The following LPP variants were observed in gnomAD, a reference collection of about 807,000 sequenced individuals.
LPP encodes the protein LIM domain containing preferred translocation partner in lipoma.
A neutral mutation model predicts 60.4 loss-of-function variants in LPP; 38 were observed. The observed-to-expected ratio is 0.63, with a 90% CI of 0.49 to 0.83. LPP has a LOEUF of 0.83. Ranked by LOEUF, LPP falls within the 40% of genes least tolerant of loss-of-function variation. The pLI is 0.00. For synonymous variants in LPP, 328 were observed against 290.8 expected (o/e 1.13, Z -1.30); for missense variants, 902 against 783.6 (o/e 1.15, Z -1.80).
intron 7 of LPP, among the ~76,000 whole-genome samples, chr3:188,623,548 G>A (rs144800592): frequency 0.013 from 2,015 of 152,248 alleles, 51 homozygotes; most frequent in African/African-American, 0.046. Flanking sequence ...ATGAGCCACC[G>A]TGCCCGGCTG....
chr3:188,768,472 C>G (rs78750460), intron 9 of LPP, among the ~76,000 whole-genome samples: 1 of 152,098 alleles, frequency 6.6e-6, no homozygotes, highest in African/African-American at 2.4e-5. Context: ...AATTAGGAAT[C>G]TTTTAGCATA....
At chr3:188,673,652 C>T (rs997700297) in intron 7 of LPP, among the ~76,000 whole-genome samples, 2 of 152,072 alleles carry the variant, frequency 1.3e-5, no homozygotes, top group African/African-American at 2.4e-5. Context: ...AGCTATGATT[C>T]TGGATACTGT....
intron 9 of LPP, among the ~76,000 whole-genome samples, chr3:188,838,941 A>G (rs1159101684): frequency 6.6e-6 from 1 of 152,206 alleles, no homozygotes; most frequent in African/African-American, 2.4e-5. Flanking sequence ...TGACAGGTTG[A>G]TGGGTGGAGC....
rs980431666 is a variant in LPP at position 188,344,403 on chromosome 3, T to C, written c.-10+2684T>C. On this transcript the variant is annotated intron_variant, in intron 3 of 11. Coordinates refer to ENST00000617246, the MANE Select transcript of LPP (RefSeq NM_001375462.1). ...TTTGGGAGCAAAGCAGTATGTTGTA[T>C]GTTATGTGCACCAGAAGCCATGAGA... 6.6e-5 allele frequency among the ~76,000 whole-genome samples: 10 copies of C among 152,342 alleles called. No individual in the cohort carries two copies. In the South Asian group the frequency reaches 8.3e-4, roughly 13 times the overall value.
intron 7 of LPP, among the ~76,000 whole-genome samples, chr3:188,615,978 C>T (rs1054140095): frequency 3.3e-5 from 5 of 151,926 alleles, no homozygotes; most frequent in East Asian, 3.9e-4. Context: ...TGTATATTCT[C>T]GATATTAGAC....
chr3:188,225,677 C>G (rs1333649529), intron 2 of LPP, 150 bp downstream of exon 2: 1 of 152,184 alleles, frequency 6.6e-6, no homozygotes, highest in African/African-American at 2.4e-5. Flanking sequence ...AATGCCCTTC[C>G]TTCTTTCTTG....
intron 2 of LPP, among the ~76,000 whole-genome samples, chr3:188,328,103 G>C (rs1758947805): frequency 6.6e-6 from 1 of 152,116 alleles, no homozygotes; most frequent in Admixed American, 6.5e-5. Flanking sequence ...AAAAGTAATT[G>C]TGGATTTTCT....
chr3:188,316,302 A>C (rs1157887949), intron 2 of LPP, among the ~76,000 whole-genome samples: 1 of 152,146 alleles, frequency 6.6e-6, no homozygotes, highest in South Asian at 2.1e-4. Context: ...AAAACAAAAA[A>C]AAGATTAGCC....
At chr3:188,390,713 T>C (rs1779493540) in intron 3 of LPP, among the ~76,000 whole-genome samples, 1 of 152,058 alleles carries the variant, frequency 6.6e-6, no homozygotes, top group Non-Finnish European at 1.5e-5. Flanking sequence ...TGGCTTTTCT[T>C]GAGAGATCTA....
At chr3:188,564,134 G>GT (rs1265023285) in intron 6 of LPP, among the ~76,000 whole-genome samples, 1 of 151,976 alleles carries the variant, frequency 6.6e-6, no homozygotes, top group Non-Finnish European at 1.5e-5. Flanking sequence ...AGAAACAAGT[G>GT]TTTTGCATAA....
chr3:188,862,228 T>A (rs919354487), intron 9 of LPP, among the ~76,000 whole-genome samples: 1 of 152,202 alleles, frequency 6.6e-6, no homozygotes, highest in African/African-American at 2.4e-5. Context: ...CTTCAGAATT[T>A]GTTTCCTAGG....
At chr3:188,667,219 C>T (rs1307804818) in intron 7 of LPP, among the ~76,000 whole-genome samples, 1 of 152,170 alleles carries the variant, frequency 6.6e-6, no homozygotes, top group Non-Finnish European at 1.5e-5. Context: ...TGGCTCACGC[C>T]TGTAATCCCA....
At chr3:188,267,909 A>C (rs746819306) in intron 2 of LPP, among the ~76,000 whole-genome samples, 7 of 151,928 alleles carry the variant, frequency 4.6e-5, no homozygotes, top group Non-Finnish European at 7.4e-5. Flanking sequence ...TCGTTCTTAC[A>C]CTCAGCTGAG....
At chr3:188,611,921 A>G (rs1843795092) in intron 7 of LPP, among the ~76,000 whole-genome samples, 1 of 152,158 alleles carries the variant, frequency 6.6e-6, no homozygotes, top group Non-Finnish European at 1.5e-5. Flanking sequence ...CCACATCCCT[A>G]ACATTTGGCC....
chr3:188,858,642 T>C (rs1193878416), intron 9 of LPP, among the ~76,000 whole-genome samples: 1 of 152,188 alleles, frequency 6.6e-6, no homozygotes, highest in Non-Finnish European at 1.5e-5. Context: ...TTTTTGTTCT[T>C]TCTGTTGGCT....
intron 2 of LPP, among the ~76,000 whole-genome samples, chr3:188,305,901 A>G (rs774826500): frequency 6.6e-6 from 1 of 151,682 alleles, no homozygotes; most frequent in Non-Finnish European, 1.5e-5. Context: ...TAGTTTAATT[A>G]CACTAAATAT....
intron 2 of LPP, among the ~76,000 whole-genome samples, chr3:188,276,972 T>A (rs1740172669): frequency 6.9e-6 from 1 of 144,016 alleles, no homozygotes; most frequent in Non-Finnish European, 1.5e-5. Context: ...GGCATGATCT[T>A]AGCTGACTGC....
intron 4 of LPP, among the ~76,000 whole-genome samples, chr3:188,477,824 C>T (rs1028679510): frequency 1.3e-5 from 2 of 152,084 alleles, no homozygotes; most frequent in Non-Finnish European, 2.9e-5. Context: ...AAAGATAGTC[C>T]GTGATAATAC....
intron 9 of LPP, among the ~76,000 whole-genome samples, chr3:188,798,570 G>A (rs145288538): frequency 2.6e-4 from 40 of 152,236 alleles, no homozygotes; most frequent in Admixed American, 7.2e-4. Context: ...TGTTCATCCT[G>A]GTGGCTCTGC....
Sources: allele counts gnomAD v4.1 joint callset (sites outside exome capture counted in the v4.1 genomes callset), GRCh38; gene constraint gnomAD v4.1.1; transcripts MANE v1.5; gene names NCBI Gene and HGNC (gene_info 2026-07-23, HGNC 2026-07-21).